Variants in GRAMD1B observed in about 807,000 individuals in gnomAD.
The protein encoded by GRAMD1B is protein Aster-B.
Under a neutral mutation model 99.7 loss-of-function variants are expected in GRAMD1B, and 37 were observed. The ratio of observed to expected loss-of-function variants is 0.37; its 90% CI spans 0.29 to 0.49. The LOEUF (loss-of-function observed/expected upper bound fraction) is 0.49. Among genes scored for constraint, GRAMD1B ranks in the 20% least tolerant of loss-of-function variants. The pLI is 0.98. For synonymous variants in GRAMD1B, 427 were observed against 387.6 expected (o/e 1.10, Z -1.19); for missense variants, 888 against 1,009.2 (o/e 0.88, Z 1.63).
chr11:123,481,564 G>C (rs534141817), intron 2 of GRAMD1B, among the ~76,000 whole-genome samples: 6 of 152,330 alleles, frequency 3.9e-5, no homozygotes, highest in South Asian at 4.1e-4. Context: ...TTGTGCCTGA[G>C]GAAGCTGCAT....
At chr11:123,506,327 C>T (rs1222468678) in intron 2 of GRAMD1B, among the ~76,000 whole-genome samples, 2 of 152,150 alleles carry the variant, frequency 1.3e-5, no homozygotes, top group African/African-American at 4.8e-5. Flanking sequence ...GGTGCTTGTG[C>T]TTCCTGCAAC....
intron 2 of GRAMD1B, among the ~76,000 whole-genome samples, chr11:123,513,402 A>T (rs912467739): frequency 1.7e-4 from 26 of 151,628 alleles, no homozygotes; most frequent in Admixed American, 4.6e-4. Context: ...TTAAGGTTGC[A>T]CCTCAGACTA....
chr11:123,480,040 C>G (rs957680892), intron 1 of GRAMD1B, among the ~76,000 whole-genome samples: 1 of 152,134 alleles, frequency 6.6e-6, no homozygotes, highest in Non-Finnish European at 1.5e-5. Context: ...ATTTGTTCAT[C>G]AGCTATGCCA....
intron 1 of GRAMD1B, among the ~76,000 whole-genome samples, chr11:123,410,151 A>T (rs1201981415): frequency 6.6e-6 from 1 of 152,186 alleles, no homozygotes; most frequent in Non-Finnish European, 1.5e-5. Context: ...GCAACTCAGG[A>T]CTCATAGAAG....
chr11:123,476,367 C>T (rs1168809897), intron 1 of GRAMD1B, among the ~76,000 whole-genome samples: 1 of 152,218 alleles, frequency 6.6e-6, no homozygotes, highest in Admixed American at 6.5e-5. Flanking sequence ...TCCTAAAGTG[C>T]TGGGATTACA....
chr11:123,426,684 G>A (rs757014657), upstream of GRAMD1B, among the ~76,000 whole-genome samples: 1 of 152,176 alleles, frequency 6.6e-6, no homozygotes, highest in African/African-American at 2.4e-5. Flanking sequence ...GTGTTGTGGG[G>A]AGACATTCCT....
intron 1 of GRAMD1B, among the ~76,000 whole-genome samples, chr11:123,391,409 C>T (rs557957716): frequency 6.6e-5 from 10 of 152,176 alleles, no homozygotes; most frequent in Admixed American, 3.9e-4. Context: ...ATCTCTCTGC[C>T]GAGATCACTA....
At chr11:123,531,696 T>G (rs1322667020) in intron 2 of GRAMD1B, among the ~76,000 whole-genome samples, 1 of 150,368 alleles carries the variant, frequency 6.7e-6, no homozygotes, top group Non-Finnish European at 1.5e-5. Context: ...GTTATTAAGG[T>G]GAAAGGATGT....
chr11:123,439,431 C>T (rs747475429), intron 1 of GRAMD1B, among the ~76,000 whole-genome samples: 2 of 152,150 alleles, frequency 1.3e-5, no homozygotes, highest in African/African-American at 2.4e-5. Context: ...TCTGGATTTT[C>T]GATTCAGATA....
chr11:123,498,292 C>T (rs1038344223), intron 2 of GRAMD1B, among the ~76,000 whole-genome samples: 1 of 152,206 alleles, frequency 6.6e-6, no homozygotes, highest in East Asian at 1.9e-4. Flanking sequence ...CCCTGCTTTT[C>T]TCAAACTGAA....
At chr11:123,407,182 T>C (rs1377162968) in intron 1 of GRAMD1B, among the ~76,000 whole-genome samples, 1 of 152,168 alleles carries the variant, frequency 6.6e-6, no homozygotes, top group Non-Finnish European at 1.5e-5. Flanking sequence ...TACAGGTCTA[T>C]AACACTCAGA....
At chr11:123,462,583 C>A (rs1306905459) in intron 1 of GRAMD1B, among the ~76,000 whole-genome samples, 1 of 152,186 alleles carries the variant, frequency 6.6e-6, no homozygotes, top group Non-Finnish European at 1.5e-5. Flanking sequence ...CAAGTGAATG[C>A]TACGCTCCAG....
intron 2 of GRAMD1B, among the ~76,000 whole-genome samples, chr11:123,529,498 G>T (rs1244957244): frequency 6.6e-6 from 1 of 152,184 alleles, no homozygotes; most frequent in Non-Finnish European, 1.5e-5. Context: ...AAGAGCTTTA[G>T]GCTGTCTCCA....
At chr11:123,558,907 G>C (rs1946419348) in intron 2 of GRAMD1B, among the ~76,000 whole-genome samples, 1 of 152,248 alleles carries the variant, frequency 6.6e-6, no homozygotes, top group African/African-American at 2.4e-5. Flanking sequence ...CCCAGAATGA[G>C]ACATTTTGCC....
chr11:123,546,286 A>C lies in GRAMD1B; in HGVS notation c.453-31081A>C, dbSNP rs118076064. ...TAGCCAGGAGTATGTGGGAGGCATTACCCTTGGGAGCTCTGTCAAGCCAAA... is the reference window on the plus strand; with the variant it reads ...TAGCCAGGAGTATGTGGGAGGCATTCCCCTTGGGAGCTCTGTCAAGCCAAA... On this transcript the variant is annotated intron_variant, in intron 2 of 19. Transcript: ENST00000635736. 2.0e-5 allele frequency among the ~76,000 whole-genome samples: 3 copies of C among 152,240 alleles called. No homozygotes were observed. In the East Asian group the frequency reaches 5.8e-4, roughly 29 times the overall value.
chr11:123,395,222 TC>T (rs2135880141), intron 1 of GRAMD1B, among the ~76,000 whole-genome samples: 1 of 152,308 alleles, frequency 6.6e-6, no homozygotes, highest in African/African-American at 2.4e-5. Flanking sequence ...AAAGAAAATT[TC>T]TGCAAAGGTA....
At chr11:123,548,333 C>T (rs1398858782) in intron 2 of GRAMD1B, among the ~76,000 whole-genome samples, 3 of 110,680 alleles carry the variant, frequency 2.7e-5, no homozygotes, top group Admixed American at 9.3e-5. Context: ...TATACACACA[C>T]ACACACACAC....
At chr11:123,538,830 G>T (rs1047130226) in intron 2 of GRAMD1B, among the ~76,000 whole-genome samples, 20 of 151,898 alleles carry the variant, frequency 1.3e-4, no homozygotes, top group African/African-American at 4.8e-4. Context: ...CACCATGTTG[G>T]TCAGGCTGGT....
At chr11:123,400,561 T>C (rs1396433630) in intron 1 of GRAMD1B, among the ~76,000 whole-genome samples, 2 of 152,162 alleles carry the variant, frequency 1.3e-5, no homozygotes, top group Non-Finnish European at 2.9e-5. Flanking sequence ...GTGGGCAGAT[T>C]TGATGTCTGG....
Sources: allele counts gnomAD v4.1 joint callset (sites outside exome capture counted in the v4.1 genomes callset), GRCh38; gene constraint gnomAD v4.1.1; transcripts MANE v1.5; gene names NCBI Gene and HGNC (gene_info 2026-07-23, HGNC 2026-07-21).